Variants in ATR observed in about 807,000 individuals in gnomAD.
ATR encodes the protein ATR checkpoint kinase, also known as serine/threonine-protein kinase ATR.
In ATR, 142 loss-of-function variants were observed where a neutral mutation model predicts 305.3. The ratio of observed to expected loss-of-function variants is 0.47; its 90% CI spans 0.41 to 0.53. The LOEUF is 0.53. ATR is among the 20% of genes least tolerant of loss of function. The pLI, the probability that ATR is intolerant of heterozygous loss-of-function variation, is 0.00. For synonymous variants in ATR, 1,050 were observed against 1,068.1 expected (o/e 0.98, Z 0.33); for missense variants, 2,135 against 3,133.1 (o/e 0.68, Z 7.60).
intron 21 of ATR, among the ~76,000 whole-genome samples, chr3:142,530,603 C>G (rs1330632563): frequency 1.3e-5 from 2 of 152,140 alleles, no homozygotes; most frequent in African/African-American, 4.8e-5. Flanking sequence ...TAGTGAAGTG[C>G]AGTTTTCTTC....
chr3:142,484,189 T>C (rs1224837974), intron 36 of ATR, among the ~76,000 whole-genome samples: 1 of 152,162 alleles, frequency 6.6e-6, no homozygotes, highest in Non-Finnish European at 1.5e-5. Flanking sequence ...AAGATCCTCA[T>C]CCCAGAGAGG....
intron 36 of ATR, among the ~76,000 whole-genome samples, chr3:142,480,998 G>A (rs1484690609): frequency 6.6e-6 from 1 of 152,246 alleles, no homozygotes; most frequent in Non-Finnish European, 1.5e-5. Flanking sequence ...AGCTTTGCTT[G>A]GCTATGAAAA....
At chr3:142,481,467 C>T (rs2030479312) in intron 36 of ATR, among the ~76,000 whole-genome samples, 1 of 152,178 alleles carries the variant, frequency 6.6e-6, no homozygotes, top group Non-Finnish European at 1.5e-5. Flanking sequence ...ATACCTTCTT[C>T]ATGAGGTTTA....
At chr3:142,499,518 T>C in intron 31 of ATR, 109 bp downstream of exon 31, 1 of 921,320 alleles carries the variant, frequency 1.1e-6, no homozygotes, top group Admixed American at 1.8e-5. Context: ...ATGGTCTCGA[T>C]CTCCTGACCT....
At chr3:142,468,859 A>G (rs2071190476) in intron 38 of ATR, among the ~76,000 whole-genome samples, 1 of 152,028 alleles carries the variant, frequency 6.6e-6, no homozygotes, top group Non-Finnish European at 1.5e-5. Flanking sequence ...GTACATGGTG[A>G]CACACCGCTA....
intron 35 of ATR, among the ~76,000 whole-genome samples, chr3:142,487,325 C>T (rs916277484): frequency 1.1e-4 from 17 of 152,026 alleles, no homozygotes; most frequent in African/African-American, 3.9e-4. Flanking sequence ...TTTGTAGAGA[C>T]GGAGATTTGC....
At chr3:142,535,013 G>A in intron 21 of ATR, 67 bp downstream of exon 21, 1 of 1,494,138 alleles carries the variant, frequency 6.7e-7, no homozygotes, top group South Asian at 1.3e-5. Context: ...ATGTCATTTT[G>A]TCATCTTTTC....
intron 41 of ATR, among the ~76,000 whole-genome samples, chr3:142,462,420 T>C (rs964681350): frequency 6.6e-6 from 1 of 152,178 alleles, no homozygotes; most frequent in Non-Finnish European, 1.5e-5. Flanking sequence ...TATTGCTTTA[T>C]AGGTATTACT....
At chr3:142,550,900 G>C (rs2034447896) in intron 13 of ATR, among the ~76,000 whole-genome samples, 1 of 151,902 alleles carries the variant, frequency 6.6e-6, no homozygotes, top group African/African-American at 2.4e-5. Flanking sequence ...CGATTCTTCT[G>C]CCTCAGCCTC....
At chr3:142,514,558 C>T (rs575258930) in intron 25 of ATR, among the ~76,000 whole-genome samples, 37 of 151,254 alleles carry the variant, frequency 2.4e-4, no homozygotes, top group African/African-American at 8.5e-4. Flanking sequence ...GGCATGAACC[C>T]GGGAGGCGGA....
intron 8 of ATR, among the ~76,000 whole-genome samples, chr3:142,557,132 G>T (rs1348721131): frequency 6.6e-6 from 1 of 151,838 alleles, no homozygotes; most frequent in Non-Finnish European, 1.5e-5. Context: ...CAGTAGGTCT[G>T]GGTGGAGCAT....
intron 46 of ATR, chr3:142,450,667 G>A: frequency 4.4e-6 from 7 of 1,602,172 alleles, no homozygotes; most frequent in Non-Finnish European, 5.1e-6. Context: ...TCAGTATTAT[G>A]CAATTTAAAA....
chr3:142,504,937 C>T (rs561403439), intron 29 of ATR, among the ~76,000 whole-genome samples: 6 of 152,002 alleles, frequency 3.9e-5, no homozygotes, highest in Admixed American at 3.3e-4. Flanking sequence ...ATCCCAGCTA[C>T]TCGGGAGGCT....
At chr3:142,470,061 A>G (rs762459743) in intron 37 of ATR, 25 bp downstream of exon 37, 3 of 1,553,500 alleles carry the variant, frequency 1.9e-6, no homozygotes, top group South Asian at 2.2e-5. Context: ...CTAGTCCTTT[A>G]AAACTTTTAC....
intron 25 of ATR, among the ~76,000 whole-genome samples, chr3:142,514,381 G>C (rs186137513): frequency 1.3e-5 from 2 of 151,904 alleles, no homozygotes; most frequent in Admixed American, 1.3e-4. Flanking sequence ...TGTAATACCA[G>C]TACTTTGAGG....
chr3:142,537,091 C>A (rs2033886829), intron 19 of ATR, among the ~76,000 whole-genome samples: 1 of 152,080 alleles, frequency 6.6e-6, no homozygotes. Context: ...GGGGATGGAA[C>A]AATAAACAAA....
At chr3:142,537,665 G>GT (rs1253384227) in intron 19 of ATR, among the ~76,000 whole-genome samples, 10 of 152,142 alleles carry the variant, frequency 6.6e-5, no homozygotes, top group Non-Finnish European at 1.5e-4. Flanking sequence ...ATATGGGTGA[G>GT]TAGGTAAATA....
At chr3:142,559,492 T>C in intron 6 of ATR, 51 bp from the exon 7 acceptor site, 1 of 1,560,584 alleles carries the variant, frequency 6.4e-7, no homozygotes, top group Non-Finnish European at 8.8e-7. Flanking sequence ...TGAATTTTGT[T>C]ATAGTCAAAC....
chr3:142,495,858 G>A (rs570464740), intron 34 of ATR, among the ~76,000 whole-genome samples: 2 of 152,134 alleles, frequency 1.3e-5, no homozygotes, highest in East Asian at 3.9e-4. Flanking sequence ...TTTAATCTGA[G>A]GTCTGCCGTG....
Sources: allele counts gnomAD v4.1 joint callset (sites outside exome capture counted in the v4.1 genomes callset), GRCh38; gene constraint gnomAD v4.1.1; transcripts MANE v1.5; gene names NCBI Gene and HGNC (gene_info 2026-07-23, HGNC 2026-07-21).